TIMMDC1: variants seen among roughly 807,000 people sequenced by gnomAD.
TIMMDC1 encodes the protein translocase of inner mitochondrial membrane domain containing 1, also known as complex I assembly factor TIMMDC1, mitochondrial.
Under a neutral mutation model 32.6 loss-of-function variants are expected in TIMMDC1, and 25 were observed. That is an observed-to-expected ratio of 0.77 (90% CI 0.56 to 1.07). The LOEUF (loss-of-function observed/expected upper bound fraction) is 1.07, where lower values mean the gene tolerates loss of function less well. Among genes scored for constraint, TIMMDC1 ranks in the 50% least tolerant of loss-of-function variants. The pLI is 0.00. For synonymous variants in TIMMDC1, 130 were observed against 127.6 expected, an observed-to-expected ratio of 1.02 and a Z score of -0.13; for missense variants, 329 against 349.2, an observed-to-expected ratio of 0.94 and a Z score of 0.46.
rs569019052 is a variant in TIMMDC1, at chr3:119,500,223, G to A, written c.195-472G>A. Reference sequence around the variant, plus strand: ...GTGTGATTTCTAAAAGTTAACTTAAGATTTAAACGGAAATATTGGTCTCTC... The same window carrying A: ...GTGTGATTTCTAAAAGTTAACTTAAAATTTAAACGGAAATATTGGTCTCTC... On this transcript the variant is annotated intron_variant, in intron 1 of 6. Transcript: ENST00000494664. Among the ~76,000 whole-genome samples the A allele has an allele frequency of 2.6e-3, 390 of 152,284 alleles. 1 individual carries two copies. Among genetic ancestry groups the A allele is most frequent in the Non-Finnish European group, 4.5e-3 (303 of 68,024 alleles).
At chr3:119,521,246 C>T (rs2082024807) in intron 6 of TIMMDC1, among the ~76,000 whole-genome samples, 2 of 152,070 alleles carry the variant, frequency 1.3e-5, no homozygotes, top group African/African-American at 4.8e-5. Flanking sequence ...AGCAGTTAGG[C>T]AAGAAAAAGA....
chr3:119,503,611 C>T lies in TIMMDC1; in HGVS notation c.440C>T (p.Thr147Ile), dbSNP rs755115707. 6.2e-7 allele frequency: 1 copy of T among 1,607,214 alleles called. No homozygotes were observed. Among genetic ancestry groups the T allele is most frequent in the Admixed American group, 1.7e-5 (1 of 58,738 alleles). Residue 147 changes from threonine (T) to isoleucine (I), a missense_variant, in exon 3 of 7, where the codon ACT becomes ATT. Thr to Ile is a moderately conservative substitution (Grantham distance 89, BLOSUM62 -1). Coordinates refer to ENST00000494664, the MANE Select transcript of TIMMDC1 (RefSeq NM_016589.4). ...RWGWRTAVFV[T>I]IFNTVNTSLN... Reference sequence around the variant, plus strand: ...GGTTGGAGAACTGCAGTGTTTGTGACTATATTCAAGTAAGTTCACTCTGAA... The same window carrying T: ...GGTTGGAGAACTGCAGTGTTTGTGATTATATTCAAGTAAGTTCACTCTGAA...
At chr3:119,499,316 T>G (rs1305303182) in intron 1 of TIMMDC1, among the ~76,000 whole-genome samples, 1 of 151,814 alleles carries the variant, frequency 6.6e-6, no homozygotes, top group African/African-American at 2.4e-5. Flanking sequence ...CCTAGGCTGG[T>G]CTTGAACTCT....
Position 119,513,675 on chromosome 3 carries a change from C to T in TIMMDC1, c.552C>T (p.Gly184=), listed in dbSNP as rs1423024213. The T allele has an allele frequency of 1.9e-6, 3 of 1,611,106 alleles. No individual in the cohort carries two copies. Among genetic ancestry groups the T allele is most frequent in the Admixed American group, 3.4e-5 (2 of 59,432 alleles). ...VTGSLFRINV[G]LRGLVAGGII... is the part of the protein sequence containing the mutation. ...GAAGTCTTTTTAGGATAAACGTAGG[C>T]CTGCGTGGCCTGGTGGCTGGTGGCA... Residue 184 remains glycine, a synonymous_variant, in exon 5 of 7, where the codon GGC becomes GGT. Transcript: ENST00000494664.
chr3:119,514,829 C>T (rs2081974834), intron 5 of TIMMDC1, among the ~76,000 whole-genome samples: 1 of 152,100 alleles, frequency 6.6e-6, no homozygotes. Flanking sequence ...CTTGGCCGGG[C>T]TAGGCTCTTA....
rs767754308 is a variant in TIMMDC1 at position 119,517,294 on chromosome 3, A to G, written c.686A>G (p.His229Arg). The G allele has an allele frequency of 4.3e-6, 7 of 1,612,762 alleles. No individual in the cohort carries two copies. Among genetic ancestry groups the G allele is most frequent in the Admixed American group, 3.3e-5 (2 of 60,002 alleles). ...AAACAGAAGGATCGAAAGGCACTCC[A>G]TGAGCTAAAACTGGAAGAGTGGTAA... ...ERKQKDRKALHELKLEEWKGR... is the reference protein window; with the variant it reads ...ERKQKDRKALRELKLEEWKGR... Residue 229 changes from histidine to arginine, a missense_variant, in exon 6 of 7, where the codon CAT becomes CGT. Physicochemically the swap from His to Arg is conservative, Grantham distance 29. Coordinates refer to ENST00000494664, the MANE Select transcript of TIMMDC1 (RefSeq NM_016589.4).
At chr3:119,508,863 G>C (rs1051326169) in intron 4 of TIMMDC1, among the ~76,000 whole-genome samples, 3 of 152,110 alleles carry the variant, frequency 2.0e-5, no homozygotes, top group Admixed American at 6.5e-5. Flanking sequence ...TATTGTCTCT[G>C]GAGGGTAACC....
At chr3:119,517,498 A>G (rs1199600203) in intron 6 of TIMMDC1, among the ~76,000 whole-genome samples, 183 bp downstream of exon 6, 1 of 152,234 alleles carries the variant, frequency 6.6e-6, no homozygotes, top group African/African-American at 2.4e-5. Flanking sequence ...TGGAAAAATG[A>G]AAGAGATTGA....
chr3:119,519,759 A>G (rs1025573732), intron 6 of TIMMDC1, among the ~76,000 whole-genome samples: 10 of 152,220 alleles, frequency 6.6e-5, no homozygotes, highest in Admixed American at 3.3e-4. Flanking sequence ...TGTAGATCAA[A>G]TGGATCTAGC....
intron 4 of TIMMDC1, among the ~76,000 whole-genome samples, chr3:119,508,519 A>G (rs148770479): frequency 1.3e-5 from 2 of 152,360 alleles, no homozygotes; most frequent in East Asian, 3.9e-4. Flanking sequence ...CACATGCCAT[A>G]CCAGAAACTG....
intron 5 of TIMMDC1, among the ~76,000 whole-genome samples, chr3:119,515,345 TA>T (rs1193507452): frequency 6.6e-6 from 1 of 152,158 alleles, no homozygotes; most frequent in African/African-American, 2.4e-5. Context: ...TTTCTTCTCC[TA>T]GGGCCCCTTT....
At chr3:119,503,696 G>T (rs2107727493) in intron 3 of TIMMDC1, 76 bp downstream of exon 3, 6 of 1,236,738 alleles carry the variant, frequency 4.9e-6, no homozygotes, top group Non-Finnish European at 6.7e-6. Context: ...AGCAGGTGGG[G>T]TTATGAAAAC....
At chr3:119,515,224 AAG>A (rs1198200940) in intron 5 of TIMMDC1, among the ~76,000 whole-genome samples, 1 of 148,966 alleles carries the variant, frequency 6.7e-6, no homozygotes, top group Admixed American at 6.6e-5. Flanking sequence ...AAAAAAAAAA[AAG>A]AGGAAAAACT....
chr3:119,512,995 C>T (rs2081964608), intron 4 of TIMMDC1, among the ~76,000 whole-genome samples: 2 of 152,182 alleles, frequency 1.3e-5, no homozygotes, highest in African/African-American at 4.8e-5. Context: ...CCTGCCTTGG[C>T]CTCCCAAAGT....
At chr3:119,499,109 T>C (rs2081848408) in intron 1 of TIMMDC1, among the ~76,000 whole-genome samples, 182 bp downstream of exon 1, 6 of 149,646 alleles carry the variant, frequency 4.0e-5, no homozygotes. Flanking sequence ...TTTTTTTTTT[T>C]TCCAGACAGG....
Position 119,523,754 on chromosome 3 carries a change from T to G in TIMMDC1, c.856T>G (p.Ter286GlyextTer19). ...AGTAATAGATAAACAAGACAAGGACTGAAAGTGCTCTGAACTTGAAACTCA... is the reference window on the plus strand; with the variant it reads ...AGTAATAGATAAACAAGACAAGGACGGAAAGTGCTCTGAACTTGAAACTCA... ...PSVIDKQDKD[*>G] Residue 286 changes from the stop codon to glycine, a stop_lost, in exon 7 of 7, where the codon TGA becomes GGA. Transcript: ENST00000494664. The G allele has an allele frequency of 3.1e-6, 5 of 1,598,318 alleles. No homozygotes were observed. Among genetic ancestry groups the G allele is most frequent in the Non-Finnish European group, 4.3e-6 (5 of 1,173,584 alleles).
At chr3:119,501,606 T>TGTAA (rs2081876503) in intron 2 of TIMMDC1, among the ~76,000 whole-genome samples, 1 of 152,198 alleles carries the variant, frequency 6.6e-6, no homozygotes, top group African/African-American at 2.4e-5. Flanking sequence ...TTTAAAGACC[T>TGTAA]GTAAATTTTG....
chr3:119,507,573 C>T (rs191339364), intron 4 of TIMMDC1, among the ~76,000 whole-genome samples: 1 of 152,134 alleles, frequency 6.6e-6, no homozygotes, highest in Non-Finnish European at 1.5e-5. Flanking sequence ...CCATTAGAGC[C>T]CTTAGTGTAT....
chr3:119,523,612 C>A lies in TIMMDC1; in HGVS notation c.714C>A (p.Gly238=). The A allele has an allele frequency of 6.3e-7, 1 of 1,599,120 alleles. No individual in the cohort carries two copies. The highest frequency in any genetic ancestry group is 8.5e-7 in the Non-Finnish European group (1 of 1,174,750). ...CCTTTTTATCTGATTACAGGAAAGGCAGACTACAAGTTACTGAGCACCTCC... is the reference window on the plus strand; with the variant it reads ...CCTTTTTATCTGATTACAGGAAAGGAAGACTACAAGTTACTGAGCACCTCC... ...LHELKLEEWK[G]RLQVTEHLPE... The change falls in exon 7 of 7, where the codon GGC becomes GGA. Residue 238 remains glycine, a synonymous_variant. Coordinates refer to ENST00000494664, the MANE Select transcript of TIMMDC1 (RefSeq NM_016589.4).
Sources: gnomAD v4.1 joint callset for allele counts (sites outside exome capture counted in the v4.1 genomes callset) on GRCh38, gnomAD v4.1.1 for gene constraint, MANE v1.5 for transcripts, NCBI Gene and HGNC (gene_info 2026-07-23, HGNC 2026-07-21) for gene names.